FOXP1: variants seen among roughly 807,000 people sequenced by gnomAD.
The protein encoded by FOXP1 is forkhead box protein P1.
In FOXP1, 15 loss-of-function variants were observed where a neutral mutation model predicts 98.2. The observed-to-expected ratio is 0.15, with a 90% confidence interval of 0.10 to 0.24. FOXP1 has a LOEUF of 0.24. FOXP1 is among the 10% of genes least tolerant of loss of function. The probability of loss-of-function intolerance (pLI) is 1.00; values close to 1 mark genes in which losing one functional copy is unlikely to be tolerated. For missense variants in FOXP1, 633 were observed against 848.5 expected, an observed-to-expected ratio of 0.75 and a Z score of 3.15; for synonymous variants, 371 against 314.5, an observed-to-expected ratio of 1.18 and a Z score of -1.90.
chr3:71,229,897 C>T (rs902430557), intron 5 of FOXP1, among the ~76,000 whole-genome samples: 10 of 152,058 alleles, frequency 6.6e-5, no homozygotes, highest in Admixed American at 5.9e-4. Context: ...CACGGCCACT[C>T]GAGTATCCTC....
chr3:71,339,424 T>C (rs2076882390), intron 4 of FOXP1, among the ~76,000 whole-genome samples: 1 of 152,244 alleles, frequency 6.6e-6, no homozygotes, highest in South Asian at 2.1e-4. Context: ...TTAGCATTGG[T>C]GGCAACGAAG....
intron 3 of FOXP1, among the ~76,000 whole-genome samples, chr3:71,491,622 T>C (rs1195577554): frequency 6.6e-6 from 1 of 152,118 alleles, no homozygotes; most frequent in Non-Finnish European, 1.5e-5. Flanking sequence ...GATTTTTTTT[T>C]TCTCTCTCTC....
intron 5 of FOXP1, among the ~76,000 whole-genome samples, chr3:71,252,131 TC>T (rs2068244616): frequency 1.1e-4 from 1 of 9,080 alleles, no homozygotes; most frequent in Non-Finnish European, 2.2e-4. Context: ...GATCTCTTTC[TC>T]TCTCTCTCAC....
chr3:71,240,703 G>T (rs543851798), intron 5 of FOXP1, among the ~76,000 whole-genome samples: 2 of 151,494 alleles, frequency 1.3e-5, no homozygotes, highest in African/African-American at 4.8e-5. Context: ...CACCATGCCC[G>T]GCTAATTTTG....
intron 7 of FOXP1, among the ~76,000 whole-genome samples, chr3:71,105,468 A>G (rs182727141): frequency 1.3e-5 from 2 of 152,332 alleles, no homozygotes; most frequent in East Asian, 3.9e-4. Context: ...GATAATGGTA[A>G]TTAGCGAGGT....
chr3:71,112,820 G>A (rs966954463), intron 6 of FOXP1, among the ~76,000 whole-genome samples, 183 bp from the exon 7 acceptor site: 7 of 152,110 alleles, frequency 4.6e-5, no homozygotes, highest in East Asian at 1.9e-4. Context: ...ATTTGTTTAC[G>A]TTCCCTTTGA....
intron 14 of FOXP1, among the ~76,000 whole-genome samples, chr3:70,981,977 C>T (rs1373051361): frequency 6.6e-6 from 1 of 152,172 alleles, no homozygotes; most frequent in Non-Finnish European, 1.5e-5. Context: ...GAAATGTCAA[C>T]CTTGTCAACT....
chr3:70,976,046 CT>C (rs2037431171), intron 17 of FOXP1, among the ~76,000 whole-genome samples: 4 of 79,012 alleles, frequency 5.1e-5, no homozygotes, highest in Non-Finnish European at 1.1e-4. Flanking sequence ...GAGGGACAAT[CT>C]CCTTTTTTTT....
At chr3:71,438,725 T>TCGACA (rs2085608924) in intron 3 of FOXP1, among the ~76,000 whole-genome samples, 1 of 151,178 alleles carries the variant, frequency 6.6e-6, no homozygotes, top group Non-Finnish European at 1.5e-5. Flanking sequence ...TTTAGGGAGG[T>TCGACA]TTCAGTCTAA....
intron 3 of FOXP1, among the ~76,000 whole-genome samples, chr3:71,456,967 G>A (rs537164904): frequency 6.6e-6 from 1 of 152,184 alleles, no homozygotes; most frequent in East Asian, 1.9e-4. Flanking sequence ...CTTAAAGACA[G>A]CAGAATACAC....
rs1248013913 is a variant in FOXP1 at position 70,958,277 on chromosome 3, G to A, written c.*970C>T. 1 of 535,456 alleles carries A rather than the reference G, an allele frequency of 1.9e-6. No individual in the cohort carries two copies. Among genetic ancestry groups the A allele is most frequent in the South Asian group, 1.5e-5 (1 of 65,176 alleles). The allele number at this position is 535,456 out of a possible 1,614,324, so 33.2% of individuals were successfully genotyped here. ...GAACCACCCCCAATACTGCTGCGTG[G>A]AATGAATCGGCATTGTTCCTAGAGT... is the stretch of plus-strand genomic sequence containing the variant. On this transcript the variant is annotated 3_prime_UTR_variant, in exon 21 of 21. Coordinates refer to ENST00000649528, the MANE Select transcript of FOXP1 (RefSeq NM_001349338.3).
At chr3:71,322,205 G>A (rs1207787269) in intron 4 of FOXP1, among the ~76,000 whole-genome samples, 23 of 152,266 alleles carry the variant, frequency 1.5e-4, no homozygotes, top group Admixed American at 1.1e-3. Flanking sequence ...AAACTAGGCC[G>A]CTGCCCTCAA....
intron 5 of FOXP1, among the ~76,000 whole-genome samples, chr3:71,214,575 C>T (rs2064771600): frequency 6.6e-6 from 1 of 152,162 alleles, no homozygotes; most frequent in African/African-American, 2.4e-5. Context: ...GGTGGAGGTA[C>T]TGGACATCTT....
chr3:71,036,941 C>T (rs182020620), intron 11 of FOXP1, among the ~76,000 whole-genome samples: 2 of 152,284 alleles, frequency 1.3e-5, no homozygotes, highest in Admixed American at 1.3e-4. Flanking sequence ...ATTTAGTATT[C>T]ACTTCTATGC....
At chr3:71,538,453 A>C (rs1218622053) in intron 2 of FOXP1, among the ~76,000 whole-genome samples, 1 of 152,234 alleles carries the variant, frequency 6.6e-6, no homozygotes, top group Non-Finnish European at 1.5e-5. Flanking sequence ...TTTAGTTAGC[A>C]CAATGTTTGC....
At chr3:71,237,858 T>C (rs776964711) in intron 5 of FOXP1, among the ~76,000 whole-genome samples, 95 of 152,276 alleles carry the variant, frequency 6.2e-4, no homozygotes, top group Non-Finnish European at 1.1e-3. Context: ...CAGCACAGCA[T>C]TCTCCTCCCC....
chr3:71,053,885 T>C (rs1359345765), intron 7 of FOXP1, 112 bp from the exon 8 acceptor site: 1 of 1,090,028 alleles, frequency 9.2e-7, no homozygotes, highest in Non-Finnish European at 1.4e-6. Context: ...CAATTTCCCA[T>C]GCAACATGTA....
intron 20 of FOXP1, among the ~76,000 whole-genome samples, chr3:70,964,959 A>C (rs143927272): frequency 6.6e-6 from 1 of 152,318 alleles, no homozygotes; most frequent in African/African-American, 2.4e-5. Flanking sequence ...ATTATCTTAA[A>C]ATAAGATGTT....
At chr3:71,558,352 C>G (rs1171093674) in intron 2 of FOXP1, among the ~76,000 whole-genome samples, 1 of 152,162 alleles carries the variant, frequency 6.6e-6, no homozygotes, top group African/African-American at 2.4e-5. Flanking sequence ...GACTGGCTGT[C>G]GTGACTGGTT....
Sources: gnomAD v4.1 joint callset for allele counts (sites outside exome capture counted in the v4.1 genomes callset) on GRCh38, gnomAD v4.1.1 for gene constraint, MANE v1.5 for transcripts, NCBI Gene and HGNC (gene_info 2026-07-23, HGNC 2026-07-21) for gene names.